The following ODAD1 variants were observed in gnomAD, a reference collection of about 807,000 sequenced individuals.
The protein encoded by ODAD1 is outer dynein arm docking complex subunit 1, also known as outer dynein arm-docking complex subunit 1.
ODAD1 carries 49 observed loss-of-function variants against 67.2 expected under a neutral mutation model. The ratio of observed to expected loss-of-function variants is 0.73; its 90% CI spans 0.58 to 0.92. ODAD1 has a LOEUF of 0.92. Among genes scored for constraint, ODAD1 ranks in the 40% least tolerant of loss-of-function variants. The pLI, the probability that ODAD1 is intolerant of heterozygous loss-of-function variation, is 0.00. For missense variants in ODAD1, 897 were observed against 953.7 expected (o/e 0.94, Z 0.78); for synonymous variants, 345 against 393.7 (o/e 0.88, Z 1.46).
intron 3 of ODAD1, chr19:48,319,517 T>C (rs1968985469): frequency 1.3e-6 from 1 of 788,748 alleles, no homozygotes; most frequent in African/African-American, 1.9e-5. Flanking sequence ...CCAAAAACAT[T>C]TGGCAATGTC....
intron 7 of ODAD1, 86 bp from the exon 8 acceptor site, chr19:48,306,409 T>C (rs558965790): frequency 1.7e-6 from 2 of 1,161,900 alleles, no homozygotes; most frequent in African/African-American, 3.1e-5. Context: ...GCTTCTCCAA[T>C]AAGGAGTAAA....
In ODAD1 at chr19:48,300,821, A is replaced by C. The variant is rs189055431; in HGVS notation, c.1240+1873T>G. Among the ~76,000 whole-genome samples, 159 of 152,312 alleles carry C rather than the reference A, an allele frequency of 1.0e-3. No homozygotes were observed. The East Asian group carries it at 0.025, about 24-fold the overall frequency. On this transcript the variant is annotated intron_variant, in intron 12 of 15. Transcript: ENST00000674294. The stretch of plus-strand genomic sequence containing the variant: ...AGAGAGAGTACGGCACACACGTTAG[A>C]TGGCTAATATTAAAATGGCTGACGG...
At position 48,311,548 on chromosome 19, in the gene ODAD1, C is replaced by A. The variant is rs1452905612; in HGVS notation, c.597+5G>T. 6.5e-7 allele frequency: 1 copy of A among 1,530,314 alleles called. No homozygotes were observed. 94.8% of individuals were successfully genotyped at this position (1,530,314 alleles called of 1,614,324 possible). On this transcript the variant is annotated splice_donor_5th_base_variant and intron_variant, in intron 7 of 15. Coordinates refer to ENST00000674294, the MANE Select transcript of ODAD1 (RefSeq NM_001364171.2). ...TCTCCTCCCCTGGATTTCAGGGCCA[C>A]TGACCTTCTTCAGCTTGCGGTCCAC...
At chr19:48,317,996 C>T (rs1322849903) in intron 5 of ODAD1, among the ~76,000 whole-genome samples, 2 of 151,082 alleles carry the variant, frequency 1.3e-5, no homozygotes, top group Non-Finnish European at 2.9e-5. Flanking sequence ...TAGCATGAAC[C>T]TGGGAGGCGA....
chr19:48,302,629 C>T (rs992504564), intron 12 of ODAD1, 65 bp downstream of exon 12: 11 of 1,413,070 alleles, frequency 7.8e-6, no homozygotes, highest in South Asian at 5.0e-5. Flanking sequence ...CCAAGCCCCG[C>T]GGGCTGATGG....
At chr19:48,298,725 C>T (rs1968375359) in intron 12 of ODAD1, among the ~76,000 whole-genome samples, 1 of 152,172 alleles carries the variant, frequency 6.6e-6, no homozygotes, top group Non-Finnish European at 1.5e-5. Context: ...CACTGGGCCC[C>T]ACAAATTATG....
chr19:48,297,427 G>T lies in ODAD1; in HGVS notation c.1673C>A (p.Ala558Asp). ...KLDGTLSVDL[A>D]STQRAGSSTV... ...ACTGGAGCCGGCCCTCTGGGTGCTGGCCAGGTCCACGCTCAGGGTGCCGTC... is the reference window on the plus strand; with the variant it reads ...ACTGGAGCCGGCCCTCTGGGTGCTGTCCAGGTCCACGCTCAGGGTGCCGTC... Residue 558 changes from alanine to aspartate, a missense_variant, in exon 16 of 16, where the codon GCC becomes GAC. Ala to Asp is a moderately radical substitution (Grantham distance 126). Coordinates refer to ENST00000674294, the MANE Select transcript of ODAD1 (RefSeq NM_001364171.2). 1 of 1,604,340 alleles carries T rather than the reference G, an allele frequency of 6.2e-7. No individual in the cohort carries two copies. Among genetic ancestry groups the T allele is most frequent in the Non-Finnish European group, 8.5e-7 (1 of 1,179,446 alleles).
intron 4 of ODAD1, 37 bp from the exon 5 acceptor site, chr19:48,318,613 G>A (rs1223319884): frequency 6.5e-7 from 1 of 1,545,474 alleles, no homozygotes; most frequent in East Asian, 2.4e-5. Flanking sequence ...GGCCAGTAAG[G>A]GGGCAGAACT....
chr19:48,304,189 G>T (rs772744749), intron 8 of ODAD1, 49 bp from the exon 9 acceptor site: 3 of 1,540,090 alleles, frequency 1.9e-6, no homozygotes, highest in Admixed American at 1.8e-5. Context: ...GACTGGGGTC[G>T]GCCTGGGGTC....
chr19:48,306,201 A>G (rs956704954), intron 8 of ODAD1, 55 bp downstream of exon 8: 23 of 1,548,526 alleles, frequency 1.5e-5, no homozygotes, highest in Non-Finnish European at 1.9e-5. Context: ...CCTTATGGAA[A>G]GGTGCGTCCT....
At chr19:48,317,878 T>C (rs745951423) in intron 5 of ODAD1, among the ~76,000 whole-genome samples, 15 of 151,954 alleles carry the variant, frequency 9.9e-5, no homozygotes, top group South Asian at 6.2e-4. Flanking sequence ...CAAGACCATC[T>C]TGGCTAACAC....
intron 5 of ODAD1, 105 bp downstream of exon 5, chr19:48,318,282 G>A (rs1241040638): frequency 1.0e-6 from 1 of 986,866 alleles, no homozygotes; most frequent in East Asian, 2.6e-5. Flanking sequence ...ATGAGCCACT[G>A]TGCCCGGCCT....
rs771201097 is a variant in ODAD1, at chr19:48,315,914, C to T, written c.360+2473G>A. 1.2e-3 allele frequency among the ~76,000 whole-genome samples: 181 copies of T among 152,276 alleles called. 2 individuals are homozygous for T. The highest frequency in any genetic ancestry group is 5.7e-4 in the Non-Finnish European group (39 of 68,020). On this transcript the variant is annotated intron_variant, in intron 5 of 15. Transcript: ENST00000674294. ...CACAATTTGCTCGTCCACTCGACCA[C>T]CGATGGACATTTGGGTTGTTTCAGT...
chr19:48,320,791 T>A lies in ODAD1; in HGVS notation c.-43A>T. ...CCTGACCTGTTCTTGGTGCTCCAAG[T>A]TCAGTGTTGTGGTCTGGTTACTGGG... is the stretch of plus-strand genomic sequence containing the variant. On this transcript the variant is annotated 5_prime_UTR_variant, in exon 2 of 16. Coordinates refer to ENST00000674294, the MANE Select transcript of ODAD1 (RefSeq NM_001364171.2). 1 of 156,632 alleles carries A rather than the reference T, an allele frequency of 6.4e-6. No homozygotes were observed. Among genetic ancestry groups the A allele is most frequent in the Non-Finnish European group, 1.4e-5 (1 of 69,954 alleles). The allele number at this position is 156,632 out of a possible 1,614,324, so 9.7% of individuals were successfully genotyped here.
At position 48,297,662 on chromosome 19, in the gene ODAD1, G is replaced by A. The variant is rs1271012377; in HGVS notation, c.1509C>T (p.Asp503=). ...APLQPPDTLE[D]PPGFEASDDY... is the part of the protein sequence containing the mutation. ...CATCGCTGGCCTCAAAACCCGGGGGGTCTTCTCTGGGGAGGGGAAGGAAAA... is the reference window on the plus strand; with the variant it reads ...CATCGCTGGCCTCAAAACCCGGGGGATCTTCTCTGGGGAGGGGAAGGAAAA... The change falls in exon 15 of 16, where the codon GAC becomes GAT. Residue 503 remains aspartate (D), a synonymous_variant. Coordinates refer to ENST00000674294, the MANE Select transcript of ODAD1 (RefSeq NM_001364171.2). 3 of 1,510,672 alleles carry A rather than the reference G, an allele frequency of 2.0e-6. No individual in the cohort carries two copies. Among genetic ancestry groups the A allele is most frequent in the East Asian group, 4.6e-5 (2 of 43,812 alleles). 93.6% of individuals were successfully genotyped at this position (1,510,672 alleles called of 1,614,324 possible). A position where few individuals can be genotyped will look rare whatever the true frequency, so the allele number is the denominator to read the frequency against.
At chr19:48,309,953 G>T (rs10406280) in intron 7 of ODAD1, among the ~76,000 whole-genome samples, 140 of 152,092 alleles carry the variant, frequency 9.2e-4, no homozygotes, top group Non-Finnish European at 1.6e-3. Flanking sequence ...CAGATAAACC[G>T]GCCGGGCGTG....
intron 8 of ODAD1, among the ~76,000 whole-genome samples, chr19:48,304,683 C>G (rs1475076274): frequency 5.3e-5 from 8 of 151,802 alleles, no homozygotes; most frequent in Admixed American, 4.6e-4. Context: ...AAACACAACA[C>G]AAAACTCTCG....
chr19:48,297,015 A>AGTGCTGGAGGCAGGGCCG lies in ODAD1; in HGVS notation c.2067_2084dup (p.Ala692_Pro697dup), dbSNP rs755466284. Reference sequence around the variant, plus strand: ...CTTTGCTGGTGGAGGAGCCCGGGCCAGTGCTGGAGGCAGGGCCGGTGCTGG... The same window carrying AGTGCTGGAGGCAGGGCCG: ...CTTTGCTGGTGGAGGAGCCCGGGCCAGTGCTGGAGGCAGGGCCGGTGCTGGAGGCAGGGCCGGTGCTGG... On this transcript the variant is annotated inframe_insertion, in exon 16 of 16. Coordinates refer to ENST00000674294, the MANE Select transcript of ODAD1 (RefSeq NM_001364171.2). 184 of 1,610,434 alleles carry AGTGCTGGAGGCAGGGCCG rather than the reference A, an allele frequency of 1.1e-4. No individual in the cohort carries two copies. The highest frequency in any genetic ancestry group is 1.4e-4 in the Non-Finnish European group (171 of 1,179,318).
intron 12 of ODAD1, among the ~76,000 whole-genome samples, 197 bp downstream of exon 12, chr19:48,302,494 TGGA>T (rs1461135159): frequency 6.6e-6 from 1 of 151,340 alleles, no homozygotes; most frequent in Non-Finnish European, 1.5e-5. Flanking sequence ...GTAGGACAGT[TGGA>T]GGGACAGATG....
Sources: gnomAD v4.1 joint callset for allele counts (sites outside exome capture counted in the v4.1 genomes callset) on GRCh38, gnomAD v4.1.1 for gene constraint, MANE v1.5 for transcripts, NCBI Gene and HGNC (gene_info 2026-07-23, HGNC 2026-07-21) for gene names.